Variants in ATAD1 observed in about 807,000 individuals in gnomAD.
ATAD1 encodes outer mitochondrial transmembrane helix translocase.
In ATAD1, 18 loss-of-function variants were observed where a neutral mutation model predicts 42.7. The ratio of observed to expected loss-of-function variants is 0.42; its 90% CI spans 0.29 to 0.63. The LOEUF is 0.63. Among genes scored for constraint, ATAD1 ranks in the 20% least tolerant of loss-of-function variants. The pLI, the probability that ATAD1 is intolerant of heterozygous loss-of-function variation, is 0.19. For missense variants in ATAD1, 294 were observed against 440.4 expected, an observed-to-expected ratio of 0.67 and a Z score of 2.98; for synonymous variants, 132 against 143.1, an observed-to-expected ratio of 0.92 and a Z score of 0.55.
In ATAD1 at chr10:87,751,935, CCAA is replaced by C. The variant is rs762649093; in HGVS notation, c.*2749_*2751del. 3.3e-5 allele frequency: 5 copies of C among 152,282 alleles called. No individual in the cohort carries two copies. In the South Asian group the frequency reaches 8.3e-4, roughly 25 times the overall value. 9.4% of individuals were successfully genotyped at this position (152,282 alleles called of 1,614,324 possible). A position where few individuals can be genotyped will look rare whatever the true frequency, so the allele number is the denominator to read the frequency against. ...TAACAATTCAAGTAAAAAATTCCTA[CCAA>C]CGAGATGATGTTGCCACCATTTTTA... On this transcript the variant is annotated 3_prime_UTR_variant, in exon 10 of 10. Transcript: ENST00000680024.
intron 2 of ATAD1, among the ~76,000 whole-genome samples, chr10:87,798,447 A>G (rs1856505252): frequency 6.6e-6 from 1 of 152,066 alleles, no homozygotes; most frequent in Admixed American, 6.5e-5. Context: ...TACAAACTAC[A>G]GAGTTGCTAC....
At chr10:87,782,608 G>T (rs1158650703) in intron 5 of ATAD1, among the ~76,000 whole-genome samples, 1 of 152,110 alleles carries the variant, frequency 6.6e-6, no homozygotes, top group East Asian at 1.9e-4. Context: ...TATTCTAAAC[G>T]TTTCACTAAA....
chr10:87,835,563 T>C (rs1857914967), intron 1 of ATAD1, among the ~76,000 whole-genome samples: 2 of 152,184 alleles, frequency 1.3e-5, no homozygotes, highest in African/African-American at 4.8e-5. Context: ...AGTTCTTTTT[T>C]ACAACACATA....
intron 2 of ATAD1, among the ~76,000 whole-genome samples, chr10:87,806,645 C>T (rs923439766): frequency 2.0e-5 from 3 of 152,126 alleles, no homozygotes; most frequent in Non-Finnish European, 4.4e-5. Flanking sequence ...TGTTGAGCAT[C>T]TGTATTTCAT....
Position 87,826,292 on chromosome 10 carries a change from A to AT in ATAD1, c.-13-11681dup, listed in dbSNP as rs141615488. 5.3e-3 allele frequency among the ~76,000 whole-genome samples: 802 copies of AT among 152,352 alleles called. 8 individuals carry two copies. The highest frequency in any genetic ancestry group is 0.017 in the African/African-American group (721 of 41,574). Reference sequence around the variant, plus strand: ...AACTTCAAAATAGTATACCTGATAGATTTCACAAACCTTTCTACTTTCTAG... The same window carrying AT: ...AACTTCAAAATAGTATACCTGATAGATTTTCACAAACCTTTCTACTTTCTAG... On this transcript the variant is annotated intron_variant, in intron 1 of 4. Coordinates refer to the ATAD1 transcript ENST00000495903.
At chr10:87,841,167 G>C (rs894522208) in intron 1 of ATAD1, 2 of 152,090 alleles carry the variant, frequency 1.3e-5, no homozygotes, top group Non-Finnish European at 2.9e-5. Flanking sequence ...ATGAAGTTTT[G>C]ATTCTAAGTG....
At chr10:87,766,810 CAA>C in intron 8 of ATAD1, among the ~76,000 whole-genome samples, 1 of 134,896 alleles carries the variant, frequency 7.4e-6, no homozygotes. Flanking sequence ...CACTCTGCTT[CAA>C]AAAAAAAAGA....
intron 8 of ATAD1, among the ~76,000 whole-genome samples, chr10:87,765,415 GAAA>G (rs1854693925): frequency 7.5e-6 from 1 of 133,548 alleles, no homozygotes; most frequent in Non-Finnish European, 1.5e-5. Context: ...GGAAAGTGTG[GAAA>G]ATTACTTTAT....
At chr10:87,817,673 A>AT (rs1857484187) in intron 1 of ATAD1, 48 of 954,492 alleles carry the variant, frequency 5.0e-5, no homozygotes, top group Non-Finnish European at 5.7e-5. Flanking sequence ...AAGGCCTGCC[A>AT]ATCTTCACAA....
upstream of ATAD1, chr10:87,818,655 CT>C (rs1857546282): frequency 6.6e-6 from 1 of 152,360 alleles, no homozygotes; most frequent in Admixed American, 6.5e-5. Context: ...AACGCAGAAG[CT>C]TATGGCCACC....
chr10:87,795,241 A>T (rs1856326261), intron 2 of ATAD1, among the ~76,000 whole-genome samples: 1 of 152,166 alleles, frequency 6.6e-6, no homozygotes, highest in African/African-American at 2.4e-5. Context: ...ATGGCTGGCA[A>T]ATAAATGGAA....
At chr10:87,826,935 GTC>G (rs1248681172) in intron 1 of ATAD1, among the ~76,000 whole-genome samples, 1 of 148,012 alleles carries the variant, frequency 6.8e-6, no homozygotes, top group Non-Finnish European at 1.5e-5. Context: ...ACAACTAAAA[GTC>G]TCTCTAGTGT....
intron 5 of ATAD1, 46 bp from the exon 6 acceptor site, chr10:87,776,473 T>C (rs1195119750): frequency 4.0e-6 from 6 of 1,498,578 alleles, no homozygotes; most frequent in Non-Finnish European, 5.6e-6. Context: ...AATTAATTAT[T>C]TACCCTTTTT....
chr10:87,809,380 A>C (rs1857072495), intron 2 of ATAD1, among the ~76,000 whole-genome samples: 1 of 152,148 alleles, frequency 6.6e-6, no homozygotes, highest in Non-Finnish European at 1.5e-5. Flanking sequence ...AAAAATCATA[A>C]AGGGAAATAT....
chr10:87,754,988 A>C (rs1003573204), intron 9 of ATAD1, among the ~76,000 whole-genome samples, 181 bp from the exon 10 acceptor site: 1 of 152,234 alleles, frequency 6.6e-6, no homozygotes, highest in African/African-American at 2.4e-5. Context: ...ACCACAATGA[A>C]CAGCTTCATG....
Position 87,776,384 on chromosome 10 carries a change from T to C in ATAD1, c.627A>G (p.Thr209=). 1 of 1,613,908 alleles carries C rather than the reference T, an allele frequency of 6.2e-7. No homozygotes were observed. The highest frequency in any genetic ancestry group is 1.1e-5 in the South Asian group (1 of 91,072). Residue 209 remains threonine, a synonymous_variant, in exon 6 of 10, where the codon ACA becomes ACG. Transcript: ENST00000680024. The part of the protein sequence containing the change: ...RNRSSSDHEA[T]AMMKAQFMSL... ...TCATAAACTGAGCTTTCATCATGGC[T>C]GTAGCTTCATGGTCAGAACTTGAAC... is the stretch of plus-strand genomic sequence containing the variant.
intron 8 of ATAD1, among the ~76,000 whole-genome samples, chr10:87,763,210 A>G (rs572439100): frequency 6.6e-6 from 1 of 152,068 alleles, no homozygotes; most frequent in South Asian, 2.1e-4. Flanking sequence ...TTTCATGTAC[A>G]TACGTAGCTT....
At position 87,784,599 on chromosome 10, in the gene ATAD1, A is replaced by G; in HGVS notation, c.454T>C (p.Cys152Arg). ...IAKATAKEAG[C>R]RFINLQPSTL... ...GAAGGCTGAAGGTTAATAAATCGACAGCCTGCTTCTTTGGCTGTGGCCTTG... is the reference window on the plus strand; with the variant it reads ...GAAGGCTGAAGGTTAATAAATCGACGGCCTGCTTCTTTGGCTGTGGCCTTG... The change falls in exon 5 of 10, where the codon TGT becomes CGT. Residue 152 changes from cysteine to arginine, a missense_variant. Around this residue, in one of 3 missense-constraint regions of ATAD1, gnomAD observed 121 missense variants for 187.3 expected, o/e 0.65. Coordinates refer to ENST00000680024, the MANE Select transcript of ATAD1 (RefSeq NM_001321967.2). 6.2e-7 allele frequency: 1 copy of G among 1,613,454 alleles called. No individual in the cohort carries two copies. The highest frequency in any genetic ancestry group is 2.2e-5 in the East Asian group (1 of 44,866).
chr10:87,841,260 A>C (rs1486211827), exon 1 of ATAD1: 1 of 152,158 alleles, frequency 6.6e-6, no homozygotes, highest in Non-Finnish European at 1.5e-5. Flanking sequence ...TTAAGCTGAG[A>C]CTAGCATCAT....
Sources: gnomAD v4.1 joint callset for allele counts (sites outside exome capture counted in the v4.1 genomes callset) on GRCh38, gnomAD v4.1.1 for gene constraint, gnomAD v4.1.1 regional missense constraint, MANE v1.5 for transcripts, NCBI Gene and HGNC (gene_info 2026-07-23, HGNC 2026-07-21) for gene names.